SHOC1: variants seen among roughly 807,000 people sequenced by gnomAD.
SHOC1 encodes protein shortage in chiasmata 1 ortholog.
SHOC1 carries 136 observed loss-of-function variants against 179.2 expected under a neutral mutation model. That is an observed-to-expected ratio of 0.76 (90% CI 0.66 to 0.87). The LOEUF is 0.87. SHOC1 is among the 40% of genes least tolerant of loss of function. SHOC1 has a pLI of 0.00. For missense variants in SHOC1, 1,538 were observed against 1,700.8 expected (o/e 0.90, Z 1.68); for synonymous variants, 489 against 586.6 (o/e 0.83, Z 2.41).
rs539843896 is a variant in SHOC1 at position 111,707,550 on chromosome 9, G to T, written c.2558+305C>A. On this transcript the variant is annotated intron_variant, in intron 19 of 27. Coordinates refer to ENST00000682961, the MANE Select transcript of SHOC1 (RefSeq NM_001378211.1). ...GAAAGAAGATGTAAAAAACAATGCT[G>T]AGCAAAGAAACTGGTACAAATATAC... Among the ~76,000 whole-genome samples, 4 of 152,118 alleles carry T rather than the reference G, an allele frequency of 2.6e-5. No homozygotes were observed. The East Asian group carries it at 7.7e-4, about 29-fold the overall frequency.
rs147576308 is a variant in SHOC1 at position 111,767,543 on chromosome 9, A to G, written c.442+8248T>C. On this transcript the variant is annotated intron_variant, in intron 5 of 27. Transcript: ENST00000682961. Reference sequence around the variant, plus strand: ...GTTCTCTATTCTGTTCCATTGGTTTATATGTCTGTTTTTATGCCAGTACCA... The same window carrying G: ...GTTCTCTATTCTGTTCCATTGGTTTGTATGTCTGTTTTTATGCCAGTACCA... 9.2e-3 allele frequency among the ~76,000 whole-genome samples: 1,397 copies of G among 152,150 alleles called. 23 individuals carry two copies. The highest frequency in any genetic ancestry group is 0.032 in the African/African-American group (1,343 of 41,514).
intron 9 of SHOC1, among the ~76,000 whole-genome samples, 156 bp from the exon 10 acceptor site, chr9:111,746,498 AG>A (rs1431198054): frequency 6.6e-6 from 1 of 152,076 alleles, no homozygotes; most frequent in Non-Finnish European, 1.5e-5. Flanking sequence ...TGGCAAGATC[AG>A]TCTCTACAAA....
intron 2 of SHOC1, among the ~76,000 whole-genome samples, chr9:111,787,315 A>G (rs569182135): frequency 6.3e-4 from 96 of 152,354 alleles, no homozygotes; most frequent in Admixed American, 2.2e-3. Context: ...GGCAAAGTCA[A>G]TTGAAAACCT....
intron 5 of SHOC1, among the ~76,000 whole-genome samples, chr9:111,772,651 T>C (rs1272086191): frequency 6.6e-6 from 1 of 152,210 alleles, no homozygotes; most frequent in Non-Finnish European, 1.5e-5. Flanking sequence ...CTCTAGCAAA[T>C]GGTCAGGGCA....
chr9:111,729,671 G>A (rs989081765), intron 12 of SHOC1, among the ~76,000 whole-genome samples: 2 of 152,140 alleles, frequency 1.3e-5, no homozygotes, highest in African/African-American at 4.8e-5. Flanking sequence ...GAGGCAGGCG[G>A]ATCATGAGGT....
At chr9:111,733,730 C>T (rs1324727395) in intron 12 of SHOC1, among the ~76,000 whole-genome samples, 4 of 151,994 alleles carry the variant, frequency 2.6e-5, no homozygotes, top group East Asian at 1.9e-4. Flanking sequence ...TAGCCAGGCA[C>T]GGTGGCGCGT....
chr9:111,755,958 A>T (rs1834835434), intron 8 of SHOC1, among the ~76,000 whole-genome samples: 1 of 152,054 alleles, frequency 6.6e-6, no homozygotes, highest in African/African-American at 2.4e-5. Flanking sequence ...CCCCATCTCT[A>T]CTAAAAATAC....
Position 111,769,714 on chromosome 9 carries a change from C to A in SHOC1, c.442+6077G>T, listed in dbSNP as rs553505770. Among the ~76,000 whole-genome samples, 10 of 152,316 alleles carry A rather than the reference C, an allele frequency of 6.6e-5. No individual in the cohort carries two copies. In the South Asian group the frequency reaches 2.1e-3, roughly 32 times the overall value. ...TGAACTCCTGACCTCAAGTGATCCA[C>A]CCACCTCAGCCTCTCAGAGTGCTAG... On this transcript the variant is annotated intron_variant, in intron 5 of 27. Coordinates refer to ENST00000682961, the MANE Select transcript of SHOC1 (RefSeq NM_001378211.1).
chr9:111,766,162 C>T (rs942373123), intron 5 of SHOC1, among the ~76,000 whole-genome samples: 2 of 152,150 alleles, frequency 1.3e-5, no homozygotes, highest in African/African-American at 4.8e-5. Flanking sequence ...ATTTGTCTTT[C>T]TGTGCTTGGC....
chr9:111,742,262 C>T (rs143821004), intron 10 of SHOC1, among the ~76,000 whole-genome samples: 97 of 152,268 alleles, frequency 6.4e-4, no homozygotes, highest in African/African-American at 2.2e-3. Context: ...AGTAAAATTA[C>T]CATGCTTACC....
chr9:111,753,739 G>C (rs1188441379), intron 8 of SHOC1, among the ~76,000 whole-genome samples: 1 of 152,020 alleles, frequency 6.6e-6, no homozygotes, highest in East Asian at 1.9e-4. Flanking sequence ...ATGCAAGAAA[G>C]GCATCTGACA....
Position 111,781,298 on chromosome 9 carries a change from T to A in SHOC1, c.170-281A>T, listed in dbSNP as rs562627537. ...TATACAGCACTACCATCCCAAATAG[T>A]CCCTTTCAACTGCTCATGCTATACC... On this transcript the variant is annotated intron_variant, in intron 3 of 27. Transcript: ENST00000682961. 7.2e-5 allele frequency among the ~76,000 whole-genome samples: 11 copies of A among 152,248 alleles called. No individual in the cohort carries two copies. In the South Asian group the frequency reaches 2.3e-3, roughly 32 times the overall value.
Position 111,780,949 on chromosome 9 carries a change from C to A in SHOC1, c.238G>T (p.Val80Leu). The A allele has an allele frequency of 6.2e-7, 1 of 1,612,996 alleles. No individual in the cohort carries two copies. Among genetic ancestry groups the A allele is most frequent in the Non-Finnish European group, 8.5e-7 (1 of 1,179,320 alleles). Residue 80 changes from valine (V) to leucine (L), a missense_variant, in exon 4 of 28, where the codon GTG (valine) becomes TTG (leucine). Physicochemically the swap from Val to Leu is conservative, Grantham distance 32 (BLOSUM62 1). Coordinates refer to ENST00000682961, the MANE Select transcript of SHOC1 (RefSeq NM_001378211.1). ...ACATACTTCTCAAGGAAATCCTCCACAAAGAAACTTGCTTTCCATTGGTCC... is the reference window on the plus strand; with the variant it reads ...ACATACTTCTCAAGGAAATCCTCCAAAAAGAAACTTGCTTTCCATTGGTCC... ...VLDQWKASFF[V>L]EDFLEKKTIT...
chr9:111,759,373 AT>A, intron 5 of SHOC1: 1 of 1,475,746 alleles, frequency 6.8e-7, no homozygotes, highest in African/African-American at 1.4e-5. Context: ...CTATAAAATT[AT>A]TTACAGTGAA....
chr9:111,700,728 G>T (rs962154565), intron 23 of SHOC1, among the ~76,000 whole-genome samples: 15 of 151,384 alleles, frequency 9.9e-5, no homozygotes, highest in African/African-American at 3.2e-4. Context: ...TTCCATATAA[G>T]AAGCTGATAA....
chr9:111,790,134 T>C (rs1564173483), intron 2 of SHOC1, among the ~76,000 whole-genome samples: 1 of 152,242 alleles, frequency 6.6e-6, no homozygotes, highest in Non-Finnish European at 1.5e-5. Context: ...TTAACTTATC[T>C]GGAAACTAGT....
At chr9:111,697,113 T>C (rs1273422245) in intron 24 of SHOC1, among the ~76,000 whole-genome samples, 1 of 151,920 alleles carries the variant, frequency 6.6e-6, no homozygotes, top group Non-Finnish European at 1.5e-5. Context: ...TAATAAGATA[T>C]GAACTGTCAG....
chr9:111,776,204 C>A lies in SHOC1; in HGVS notation c.258-229G>T, dbSNP rs892229870. ...TGACAACAGTATTCTATAACCTGTT[C>A]TTTTCTGTAAAAAAAATGAAGAATG... On this transcript the variant is annotated intron_variant, in intron 4 of 27. Transcript: ENST00000682961. Among the ~76,000 whole-genome samples the A allele has an allele frequency of 3.1e-5, 3 of 95,462 alleles. No homozygotes were observed. The South Asian group carries it at 1.0e-3, about 33-fold the overall frequency. 62.6% of individuals were successfully genotyped at this position (95,462 alleles called of 152,430 possible).
chr9:111,777,633 A>G (rs1835885188), intron 4 of SHOC1, among the ~76,000 whole-genome samples: 1 of 152,186 alleles, frequency 6.6e-6, no homozygotes, highest in South Asian at 2.1e-4. Context: ...GATAACAGGT[A>G]TATCTGTATC....
Sources: gnomAD v4.1 joint callset for allele counts (sites outside exome capture counted in the v4.1 genomes callset) on GRCh38, gnomAD v4.1.1 for gene constraint, MANE v1.5 for transcripts, NCBI Gene and HGNC (gene_info 2026-07-23, HGNC 2026-07-21) for gene names.